Variants in NBAS observed in about 807,000 individuals in gnomAD.
NBAS encodes the protein NBAS subunit of NRZ tethering complex, also known as NAG/BC035112 fusion.
Under a neutral mutation model 302.5 loss-of-function variants are expected in NBAS, and 219 were observed. The ratio of observed to expected loss-of-function variants is 0.72; its 90% CI spans 0.65 to 0.81. The LOEUF (loss-of-function observed/expected upper bound fraction) is 0.81. Ranked by LOEUF, NBAS falls within the 30% of genes least tolerant of loss-of-function variation. The pLI is 0.00. For missense variants in NBAS, 2,932 were observed against 2,841.6 expected (o/e 1.03, Z -0.72); for synonymous variants, 1,118 against 1,021.6 (o/e 1.09, Z -1.80).
the NBAS span, among the ~76,000 whole-genome samples, chr2:15,053,365 G>C: frequency 6.6e-6 from 1 of 152,172 alleles, no homozygotes; most frequent in African/African-American, 2.4e-5. Flanking sequence ...AAGGAACTCA[G>C]GGGCCCCAGA....
At chr2:15,362,645 C>A (rs1048784056) in intron 32 of NBAS, among the ~76,000 whole-genome samples, 1 of 152,086 alleles carries the variant, frequency 6.6e-6, no homozygotes, top group Non-Finnish European at 1.5e-5. Context: ...AATAAATGCA[C>A]CTATAACACA....
chr2:15,551,436 T>C (rs1184155127), intron 6 of NBAS, 57 bp downstream of exon 6: 10 of 1,155,060 alleles, frequency 8.7e-6, no homozygotes, highest in Non-Finnish European at 1.1e-5. Context: ...TTAAGAAACA[T>C]TGGAAACCAT....
At chr2:15,122,663 C>T in the NBAS span, among the ~76,000 whole-genome samples, 9 of 152,140 alleles carry the variant, frequency 5.9e-5, 1 homozygote, top group Non-Finnish European at 1.0e-4. Flanking sequence ...GAAAGAAAGA[C>T]AGAAAAAGCA....
chr2:15,549,026 T>G (rs1664250003), intron 6 of NBAS, among the ~76,000 whole-genome samples: 1 of 152,192 alleles, frequency 6.6e-6, no homozygotes, highest in South Asian at 2.1e-4. Flanking sequence ...CTGACAGATT[T>G]CAGGTAGAAT....
intron 51 of NBAS, among the ~76,000 whole-genome samples, chr2:15,170,593 TG>T (rs1664251606): frequency 6.6e-6 from 1 of 152,148 alleles, no homozygotes; most frequent in Admixed American, 6.5e-5. Context: ...AAACGCAGGG[TG>T]GGTGACTTTA....
chr2:15,308,069 T>C (rs909665644), intron 40 of NBAS, 147 bp downstream of exon 40: 1 of 1,193,964 alleles, frequency 8.4e-7, no homozygotes, highest in Non-Finnish European at 1.2e-6. Flanking sequence ...CTTTGTCGAA[T>C]ACAGGAAAGC....
chr2:14,866,995 C>A, the NBAS span, among the ~76,000 whole-genome samples: 2 of 152,156 alleles, frequency 1.3e-5, no homozygotes, highest in South Asian at 2.1e-4. Flanking sequence ...TTTTTAGTCA[C>A]AGAAAACCCA....
chr2:15,346,126 CA>C (rs1226073450), intron 35 of NBAS, among the ~76,000 whole-genome samples: 1 of 152,108 alleles, frequency 6.6e-6, no homozygotes, highest in Non-Finnish European at 1.5e-5. Context: ...AACGCCAAAG[CA>C]ATTGCAACAA....
At chr2:15,280,979 T>C (rs1051160033) in intron 42 of NBAS, among the ~76,000 whole-genome samples, 2 of 152,236 alleles carry the variant, frequency 1.3e-5, no homozygotes, top group Non-Finnish European at 2.9e-5. Flanking sequence ...AAGATAATCA[T>C]GGCATTTTTT....
At chr2:15,046,683 G>A in the NBAS span, among the ~76,000 whole-genome samples, 2 of 152,296 alleles carry the variant, frequency 1.3e-5, no homozygotes, top group South Asian at 4.1e-4. Flanking sequence ...TACAGAAGAA[G>A]AAAGTTGAGT....
At chr2:15,082,644 C>A in the NBAS span, among the ~76,000 whole-genome samples, 1 of 152,176 alleles carries the variant, frequency 6.6e-6, no homozygotes, top group African/African-American at 2.4e-5. Flanking sequence ...TTCCCAGAGC[C>A]CCCAAGGAGG....
At chr2:15,325,879 T>C (rs1672041042) in intron 38 of NBAS, among the ~76,000 whole-genome samples, 1 of 152,192 alleles carries the variant, frequency 6.6e-6, no homozygotes. Context: ...TAGCTTTTCC[T>C]TTAGAGATAT....
chr2:15,368,343 G>A (rs1674320954), intron 31 of NBAS, among the ~76,000 whole-genome samples: 2 of 151,794 alleles, frequency 1.3e-5, no homozygotes, highest in Admixed American at 1.3e-4. Context: ...GGGACTACAG[G>A]CACGTGCCAC....
the NBAS span, among the ~76,000 whole-genome samples, chr2:14,810,363 G>C: frequency 1.3e-5 from 2 of 152,142 alleles, no homozygotes; most frequent in Admixed American, 1.3e-4. Context: ...TTCCCATGCT[G>C]TTCTTATGAT....
chr2:15,061,441 T>G, the NBAS span, among the ~76,000 whole-genome samples: 2 of 152,260 alleles, frequency 1.3e-5, no homozygotes, highest in African/African-American at 2.4e-5. Flanking sequence ...ACATAGTGAC[T>G]ATCTGATAAG....
the NBAS span, among the ~76,000 whole-genome samples, chr2:14,838,973 TA>T: frequency 2.0e-5 from 3 of 151,852 alleles, no homozygotes; most frequent in Non-Finnish European, 2.9e-5. Context: ...AAACTAAATA[TA>T]AAAATGTTTT....
At chr2:15,163,749 G>A (rs958749096), downstream of NBAS, among the ~76,000 whole-genome samples, 11 of 151,674 alleles carry the variant, frequency 7.3e-5, no homozygotes, top group African/African-American at 2.4e-4. Context: ...AGGGTCCCAC[G>A]TCTTATTCTG....
chr2:15,220,153 G>A (rs1666882316), intron 47 of NBAS, among the ~76,000 whole-genome samples: 4 of 148,872 alleles, frequency 2.7e-5, no homozygotes. Context: ...CTCCCTCCCG[G>A]ACGGGGCGGC....
At chr2:14,856,163 A>G in the NBAS span, among the ~76,000 whole-genome samples, 1 of 152,216 alleles carries the variant, frequency 6.6e-6, no homozygotes. Flanking sequence ...CTCGTAATCC[A>G]GAGAATTCTC....
Sources: allele counts gnomAD v4.1 joint callset (sites outside exome capture counted in the v4.1 genomes callset), GRCh38; gene constraint gnomAD v4.1.1; transcripts MANE v1.5; gene names NCBI Gene and HGNC (gene_info 2026-07-23, HGNC 2026-07-21).